Variants in ZNF766 observed in about 807,000 individuals in gnomAD.
ZNF766 encodes zinc finger protein 766.
ZNF766 carries 13 observed loss-of-function variants against 13.2 expected under a neutral mutation model. The observed-to-expected ratio is 0.98, with a 90% CI of 0.64 to 1.56. ZNF766 has a LOEUF of 1.56. Ranked by LOEUF, ZNF766 falls within the 40% of genes most tolerant of loss-of-function variation. The probability of loss-of-function intolerance (pLI) is 0.00; values close to 1 mark genes in which losing one functional copy is unlikely to be tolerated. For missense variants in ZNF766, 521 were observed against 552.2 expected (o/e 0.94, Z 0.57); for synonymous variants, 178 against 187.6 (o/e 0.95, Z 0.42).
At chr19:52,285,529 T>C (rs557021111) in intron 3 of ZNF766, among the ~76,000 whole-genome samples, 7 of 152,322 alleles carry the variant, frequency 4.6e-5, no homozygotes, top group Admixed American at 2.6e-4. Context: ...TTATGAAGGA[T>C]ATTGCAAGGG....
At chr19:52,284,081 G>T (rs187574685) in intron 3 of ZNF766, among the ~76,000 whole-genome samples, 1 of 152,310 alleles carries the variant, frequency 6.6e-6, no homozygotes, top group East Asian at 1.9e-4. Context: ...TTGCCCTGCA[G>T]TGTTACTGCA....
chr19:52,291,813 G>T lies in ZNF766; in HGVS notation c.*615G>T, dbSNP rs1022208270. 2 of 234,722 alleles carry T rather than the reference G, an allele frequency of 8.5e-6. No individual in the cohort carries two copies. Among genetic ancestry groups the T allele is most frequent in the African/African-American group, 2.3e-5 (1 of 44,068 alleles). 14.5% of individuals were successfully genotyped at this position (234,722 alleles called of 1,614,324 possible). On this transcript the variant is annotated 3_prime_UTR_variant, in exon 4 of 4. Coordinates refer to ENST00000439461, the MANE Select transcript of ZNF766 (RefSeq NM_001010851.3). Reference sequence around the variant, plus strand: ...TGAAAGGCCAGGGGCAGTGGTTCATGCCTATAATCTCAGCACAATAGAAAG... The same window carrying T: ...TGAAAGGCCAGGGGCAGTGGTTCATTCCTATAATCTCAGCACAATAGAAAG...
chr19:52,291,339 T>G lies in ZNF766; in HGVS notation c.*141T>G, dbSNP rs1029584242. ...CACTAGACATCGAAACATTCATCTTTGGTGAAACCACACAAATGGATTGTG... is the reference window on the plus strand; with the variant it reads ...CACTAGACATCGAAACATTCATCTTGGGTGAAACCACACAAATGGATTGTG... On this transcript the variant is annotated 3_prime_UTR_variant, in exon 4 of 4. Coordinates refer to ENST00000439461, the MANE Select transcript of ZNF766 (RefSeq NM_001010851.3). 4 of 836,162 alleles carry G rather than the reference T, an allele frequency of 4.8e-6. No individual in the cohort carries two copies. The highest frequency in any genetic ancestry group is 1.7e-5 in the African/African-American group (1 of 59,132). 51.8% of individuals were successfully genotyped at this position (836,162 alleles called of 1,614,324 possible).
chr19:52,289,765 C>T (rs1207528334), intron 3 of ZNF766, among the ~76,000 whole-genome samples: 3 of 152,084 alleles, frequency 2.0e-5, no homozygotes, highest in Admixed American at 2.0e-4. Context: ...CTTTGGGAGG[C>T]CACGGCGGGC....
Position 52,277,437 on chromosome 19 carries a change from T to C in ZNF766, c.19-4674T>C, listed in dbSNP as rs760232699. 2.7e-5 allele frequency: 41 copies of C among 1,521,908 alleles called. No homozygotes were observed. In the East Asian group the frequency reaches 3.7e-4, roughly 14 times the overall value. 94.3% of individuals were successfully genotyped at this position (1,521,908 alleles called of 1,614,324 possible). On this transcript the variant is annotated intron_variant, in intron 1 of 3. Transcript: ENST00000439461. ...TCGGGCCACGGCACTCCAGCCTGGGTGACAGAGTGAGACTCCGTCTCAAAA... is the reference window on the plus strand; with the variant it reads ...TCGGGCCACGGCACTCCAGCCTGGGCGACAGAGTGAGACTCCGTCTCAAAA...
In ZNF766 at chr19:52,292,261, T is replaced by G; in HGVS notation, c.*1063T>G. 1 of 689,444 alleles carries G rather than the reference T, an allele frequency of 1.5e-6. No homozygotes were observed. The highest frequency in any genetic ancestry group is 2.6e-6 in the Non-Finnish European group (1 of 380,668). The allele number at this position is 689,444 out of a possible 1,614,324, so 42.7% of individuals were successfully genotyped here. A position where few individuals can be genotyped will look rare whatever the true frequency, so the allele number is the denominator to read the frequency against. On this transcript the variant is annotated 3_prime_UTR_variant, in exon 4 of 4. Transcript: ENST00000439461. Reference sequence around the variant, plus strand: ...GAATAAGGACACTGCCTTTTCAGATTAAAGATTGTCTGATTTAGAGACCAT... The same window carrying G: ...GAATAAGGACACTGCCTTTTCAGATGAAAGATTGTCTGATTTAGAGACCAT...
Position 52,282,222 on chromosome 19 carries a change from A to G in ZNF766, c.130A>G (p.Asn44Asp), listed in dbSNP as rs1186155265. The G allele has an allele frequency of 6.2e-7, 1 of 1,602,562 alleles. No homozygotes were observed. Among genetic ancestry groups the G allele is most frequent in the African/African-American group, 1.3e-5 (1 of 74,594 alleles). The change falls in exon 2 of 4, where the codon AAC (asparagine) becomes GAC (aspartate). Residue 44 changes from asparagine to aspartate, a missense_variant. Transcript: ENST00000439461. ...YRDVMLENYR[N>D]LVSLGICLPD... ...GGATGTGATGTTGGAGAACTACAGG[A>G]ACCTGGTCTCCCTGGGTAAGGATAA...
At chr19:52,285,031 A>G (rs749111641) in intron 3 of ZNF766, 1 of 152,082 alleles carries the variant, frequency 6.6e-6, no homozygotes, top group South Asian at 2.1e-4. Context: ...GGTGCTGACA[A>G]TTCTGTGCTT....
rs199530842 is a variant in ZNF766, at chr19:52,290,490, T to C, written c.699T>C (p.His233=). ...GGGACAAGTCAGGCCTCGCAGAACA[T>C]TGGAGAATTCGTACAGGAGAGAAAC... is the stretch of plus-strand genomic sequence containing the variant. The part of the protein sequence containing the change: ...TVRDKSGLAE[H]WRIRTGEKPY... The change falls in exon 4 of 4, where the codon CAT becomes CAC. Residue 233 remains histidine, a synonymous_variant. Coordinates refer to ENST00000439461, the MANE Select transcript of ZNF766 (RefSeq NM_001010851.3). 4.4e-5 allele frequency: 71 copies of C among 1,613,996 alleles called. No homozygotes were observed. The African/African-American group carries it at 6.9e-4, about 16-fold the overall frequency.
chr19:52,291,451 A>G lies in ZNF766; in HGVS notation c.*253A>G. 2.5e-6 allele frequency: 1 copy of G among 399,610 alleles called. No individual in the cohort carries two copies. The highest frequency in any genetic ancestry group is 4.4e-6 in the Non-Finnish European group (1 of 225,622). The allele number at this position is 399,610 out of a possible 1,614,324, so 24.8% of individuals were successfully genotyped here. Reference sequence around the variant, plus strand: ...CAAGGACACGTGGAAATGATCTGTAATATTCGGGTTATTAAAAATGTAATT... The same window carrying G: ...CAAGGACACGTGGAAATGATCTGTAGTATTCGGGTTATTAAAAATGTAATT... On this transcript the variant is annotated 3_prime_UTR_variant, in exon 4 of 4. Coordinates refer to ENST00000439461, the MANE Select transcript of ZNF766 (RefSeq NM_001010851.3).
At chr19:52,285,905 G>A (rs76980680) in intron 3 of ZNF766, among the ~76,000 whole-genome samples, 23,911 of 152,120 alleles carry the variant, frequency 0.16, 1,926 homozygotes, top group East Asian at 0.3. Flanking sequence ...AGGGCTATGG[G>A]AGTTATGAGC....
intron 3 of ZNF766, among the ~76,000 whole-genome samples, chr19:52,287,315 G>A (rs1470487665): frequency 6.6e-6 from 1 of 151,842 alleles, no homozygotes; most frequent in Non-Finnish European, 1.5e-5. Context: ...GCTAATTTTT[G>A]TATTTTTAGT....
intron 3 of ZNF766, among the ~76,000 whole-genome samples, chr19:52,287,376 C>T (rs1206098644): frequency 6.8e-6 from 1 of 147,474 alleles, no homozygotes; most frequent in African/African-American, 2.5e-5. Context: ...CTCTTGACCT[C>T]GTGATCTGCC....
rs1023284738 is a variant in ZNF766, at chr19:52,277,328, G to A, written c.19-4783G>A. On this transcript the variant is annotated intron_variant, in intron 1 of 3. Transcript: ENST00000439461. ...CAAAAAATTACCTGGGCGTGTTGGC[G>A]GGCACCTGTAGTCCCAGCTACTCAG... The A allele has an allele frequency of 5.9e-5, 55 of 928,972 alleles. 1 individual carries two copies. The highest frequency in any genetic ancestry group is 1.5e-4 in the Admixed American group (5 of 33,308). The allele number at this position is 928,972 out of a possible 1,614,324, so 57.5% of individuals were successfully genotyped here.
In ZNF766 at chr19:52,290,616, G is replaced by A; in HGVS notation, c.825G>A (p.Glu275=). ...GAGAGAGTCCTTACAAATGTAATGA[G>A]TGTGGCAAGGTCTTCAGTCGAATTA... ...HTGESPYKCN[E]CGKVFSRITY... The change falls in exon 4 of 4, where the codon GAG becomes GAA. Residue 275 remains glutamate, a synonymous_variant. Coordinates refer to ENST00000439461, the MANE Select transcript of ZNF766 (RefSeq NM_001010851.3). The A allele has an allele frequency of 1.2e-6, 2 of 1,614,056 alleles. No homozygotes were observed. Among genetic ancestry groups the A allele is most frequent in the Non-Finnish European group, 1.7e-6 (2 of 1,179,982 alleles).
intron 3 of ZNF766, among the ~76,000 whole-genome samples, chr19:52,285,555 A>G (rs321906): frequency 0.37 from 56,247 of 152,144 alleles, 11,060 homozygotes; most frequent in East Asian, 0.52. Flanking sequence ...ATGAAGAGAC[A>G]TGTGGGACAG....
chr19:52,276,956 G>A (rs992254821), intron 1 of ZNF766, among the ~76,000 whole-genome samples: 5 of 152,122 alleles, frequency 3.3e-5, no homozygotes, highest in Non-Finnish European at 5.9e-5. Context: ...CTCCAGGAGG[G>A]GAGCGGGTTC....
In ZNF766 at chr19:52,291,596, TA is replaced by T. The variant is rs1464304908; in HGVS notation, c.*401del. ...ATATGGTGAAACACCATATCTACTA[TA>T]AATACAAAAAAATTAGCCAGGCGTG... On this transcript the variant is annotated 3_prime_UTR_variant, in exon 4 of 4. Coordinates refer to ENST00000439461, the MANE Select transcript of ZNF766 (RefSeq NM_001010851.3). 3 of 166,596 alleles carry T rather than the reference TA, an allele frequency of 1.8e-5. No individual in the cohort carries two copies. The highest frequency in any genetic ancestry group is 7.2e-5 in the African/African-American group (3 of 41,636). The allele number at this position is 166,596 out of a possible 1,614,324, so 10.3% of individuals were successfully genotyped here.
rs959379575 is a variant in ZNF766, at chr19:52,289,807, T to C, written c.275-259T>C. ...CGAGGTCAGGAGATCGAGACCATCCTGGCTAACACAGTGAAACCCCGTCTC... is the reference window on the plus strand; with the variant it reads ...CGAGGTCAGGAGATCGAGACCATCCCGGCTAACACAGTGAAACCCCGTCTC... On this transcript the variant is annotated intron_variant, in intron 3 of 3. Coordinates refer to ENST00000439461, the MANE Select transcript of ZNF766 (RefSeq NM_001010851.3). 3.8e-4 allele frequency among the ~76,000 whole-genome samples: 58 copies of C among 152,108 alleles called. 1 individual carries two copies. Among genetic ancestry groups the C allele is most frequent in the Admixed American group, 8.5e-4 (13 of 15,268 alleles).
Sources: gnomAD v4.1 joint callset for allele counts (sites outside exome capture counted in the v4.1 genomes callset) on GRCh38, gnomAD v4.1.1 for gene constraint, MANE v1.5 for transcripts, NCBI Gene and HGNC (gene_info 2026-07-23, HGNC 2026-07-21) for gene names.